DRC7: variants seen among roughly 807,000 people sequenced by gnomAD.
DRC7 encodes the protein coiled-coil domain containing 135.
In DRC7, 80 loss-of-function variants were observed where a neutral mutation model predicts 104.4. The ratio of observed to expected loss-of-function variants is 0.77; its 90% confidence interval spans 0.64 to 0.92. The LOEUF is 0.92. Ranked by LOEUF, DRC7 falls within the 40% of genes least tolerant of loss-of-function variation. The pLI is 0.00. For missense variants in DRC7, 1,034 were observed against 1,141.1 expected, an observed-to-expected ratio of 0.91 and a Z score of 1.35; for synonymous variants, 405 against 447.3, an observed-to-expected ratio of 0.91 and a Z score of 1.19.
At chr16:57,703,967 C>CAAAAA (rs35232247) in intron 6 of DRC7, among the ~76,000 whole-genome samples, 3 of 64,352 alleles carry the variant, frequency 4.7e-5, no homozygotes, top group African/African-American at 6.4e-5. Context: ...ACTCTGGCTC[C>CAAAAA]AAAAAAAAAA....
chr16:57,727,008 A>G, intron 15 of DRC7, 66 bp downstream of exon 15: 4 of 1,033,684 alleles, frequency 3.9e-6, no homozygotes, highest in South Asian at 2.7e-5. Context: ...GTCTCGCTCT[A>G]TAACCCAGGC....
At chr16:57,722,959 G>T (rs112896136) in intron 11 of DRC7, 43 bp from the exon 12 acceptor site, 17 of 1,613,342 alleles carry the variant, frequency 1.1e-5, no homozygotes, top group African/African-American at 8.0e-5. Context: ...TTGAAGGCTA[G>T]GGGAGCTGGC....
intron 10 of DRC7, among the ~76,000 whole-genome samples, chr16:57,722,491 A>G (rs2048914196): frequency 1.3e-5 from 2 of 152,048 alleles, no homozygotes; most frequent in Admixed American, 1.3e-4. Flanking sequence ...TGGGGCTCAA[A>G]TCCCATTCTT....
chr16:57,730,891 C>G, intron 17 of DRC7, 40 bp from the exon 18 acceptor site: 9 of 1,607,268 alleles, frequency 5.6e-6, no homozygotes, highest in Non-Finnish European at 7.6e-6. Flanking sequence ...TGAAGGTCAG[C>G]CTTGTCAGTC....
rs147252221 is a variant in DRC7, at chr16:57,731,421, A to T, written c.*163A>T. The T allele has an allele frequency of 7.6e-5, 46 of 605,078 alleles. No individual in the cohort carries two copies. Among genetic ancestry groups the T allele is most frequent in the African/African-American group, 7.0e-4 (38 of 53,914 alleles). The allele number at this position is 605,078 out of a possible 1,614,324, so 37.5% of individuals were successfully genotyped here. On this transcript the variant is annotated 3_prime_UTR_variant, in exon 19 of 19. Coordinates refer to ENST00000360716, the MANE Select transcript of DRC7 (RefSeq NM_001289162.2). ...GCCCTGTTTGTTCCTGCTTCTCATG[A>T]TTTTCCTGTAAATAAACACACTCTT...
At position 57,726,824 on chromosome 16, in the gene DRC7, T is replaced by C. The variant is rs768128992; in HGVS notation, c.1975-8T>C. On this transcript the variant is annotated splice_region_variant and splice_polypyrimidine_tract_variant and intron_variant, in intron 14 of 18. Transcript: ENST00000360716. ...CTCTCTGTGTTACTAAGGTGGTTGT[T>C]GTCCCAGGTGGAGCCCATGGAGCAC... 6 of 1,594,644 alleles carry C rather than the reference T, an allele frequency of 3.8e-6. No homozygotes were observed. The South Asian group carries it at 4.4e-5, about 12-fold the overall frequency.
intron 13 of DRC7, chr16:57,725,469 G>A (rs1299846116): frequency 1.3e-5 from 2 of 155,870 alleles, no homozygotes; most frequent in African/African-American, 4.8e-5. Context: ...GGCCAAGGAT[G>A]TGTTACTTCC....
chr16:57,726,268 G>A lies in DRC7; in HGVS notation c.1959G>A (p.Met653Ile). ...KGNKIIMTPD[M>I]CISFEVEPME... ...ACAAGATCATCATGACGCCCGACATGTGCATCAGCTTCGAGGTGGGCCTGG... is the reference window on the plus strand; with the variant it reads ...ACAAGATCATCATGACGCCCGACATATGCATCAGCTTCGAGGTGGGCCTGG... Residue 653 changes from methionine (M) to isoleucine (I), a missense_variant, in exon 14 of 19, where the codon ATG becomes ATA. Coordinates refer to ENST00000360716, the MANE Select transcript of DRC7 (RefSeq NM_001289162.2). 6 of 1,611,270 alleles carry A rather than the reference G, an allele frequency of 3.7e-6. No homozygotes were observed. Among genetic ancestry groups the A allele is most frequent in the Non-Finnish European group, 5.1e-6 (6 of 1,178,452 alleles).
At chr16:57,710,074 T>C (rs1032711523) in intron 8 of DRC7, among the ~76,000 whole-genome samples, 11 of 152,152 alleles carry the variant, frequency 7.2e-5, no homozygotes, top group African/African-American at 2.4e-4. Context: ...AAAAAGAAGA[T>C]TGTGGTTGAG....
Position 57,731,037 on chromosome 16 carries a change from T to C in DRC7, c.2498T>C (p.Phe833Ser). The C allele has an allele frequency of 1.2e-6, 2 of 1,613,692 alleles. No individual in the cohort carries two copies. Among genetic ancestry groups the C allele is most frequent in the Non-Finnish European group, 1.7e-6 (2 of 1,179,968 alleles). ...LYLSYCSQAM[F>S]RIRILEQRLN... Reference sequence around the variant, plus strand: ...CTGAGTTACTGCTCTCAGGCCATGTTCCGCATCCGCATCCTGGAGCAGCGC... The same window carrying C: ...CTGAGTTACTGCTCTCAGGCCATGTCCCGCATCCGCATCCTGGAGCAGCGC... Residue 833 changes from phenylalanine to serine, a missense_variant, in exon 18 of 19, where the codon TTC becomes TCC. Coordinates refer to ENST00000360716, the MANE Select transcript of DRC7 (RefSeq NM_001289162.2).
At position 57,726,922 on chromosome 16, in the gene DRC7, G is replaced by A. The variant is rs559243056; in HGVS notation, c.2065G>A (p.Val689Ile). 57 of 1,610,842 alleles carry A rather than the reference G, an allele frequency of 3.5e-5. 1 individual carries two copies. In the Middle Eastern group the frequency reaches 5.0e-4, roughly 14 times the overall value. ...KREEKLSRHQVWESELEVLEI... is the reference protein window; with the variant it reads ...KREEKLSRHQIWESELEVLEI... Reference sequence around the variant, plus strand: ...GGAGGAGAAGCTGTCCAGACATCAGGTCTGGGAGTCAGAGCTGGAGGTAGG... The same window carrying A: ...GGAGGAGAAGCTGTCCAGACATCAGATCTGGGAGTCAGAGCTGGAGGTAGG... The change falls in exon 15 of 19, where the codon GTC becomes ATC. Residue 689 changes from valine to isoleucine, a missense_variant. Transcript: ENST00000360716.
Position 57,720,679 on chromosome 16 carries a change from A to G in DRC7, c.1207-988A>G, listed in dbSNP as rs368529617. Among the ~76,000 whole-genome samples the G allele has an allele frequency of 3.9e-5, 6 of 152,200 alleles. No individual in the cohort carries two copies. The South Asian group carries it at 1.2e-3, about 31-fold the overall frequency. ...CGGGTGACAGCCCACCCACCTGACC[A>G]TCTTAGAGATTTTTGACAATACTAA... On this transcript the variant is annotated intron_variant, in intron 9 of 18. Coordinates refer to ENST00000360716, the MANE Select transcript of DRC7 (RefSeq NM_001289162.2).
intron 17 of DRC7, among the ~76,000 whole-genome samples, 190 bp from the exon 18 acceptor site, chr16:57,730,741 C>G (rs2049052074): frequency 6.6e-6 from 1 of 152,112 alleles, no homozygotes; most frequent in Non-Finnish European, 1.5e-5. Flanking sequence ...AAACATGACC[C>G]CACTGGCTCC....
rs148472152 is a variant in DRC7, at chr16:57,717,109, G to A, written c.1078-1238G>A. Among the ~76,000 whole-genome samples the A allele has an allele frequency of 7.5e-3, 1,128 of 150,816 alleles. 7 individuals carry two copies. The highest frequency in any genetic ancestry group is 0.012 in the Non-Finnish European group (820 of 67,804). Reference sequence around the variant, plus strand: ...GGAGATAGAGGTTGCAGTGAGCCGAGATCATACCACTGCACTCCAGCCTGG... The same window carrying A: ...GGAGATAGAGGTTGCAGTGAGCCGAAATCATACCACTGCACTCCAGCCTGG... On this transcript the variant is annotated intron_variant, in intron 8 of 18. Coordinates refer to ENST00000360716, the MANE Select transcript of DRC7 (RefSeq NM_001289162.2).
At chr16:57,724,905 G>A in intron 13 of DRC7, 70 bp downstream of exon 13, 1 of 1,276,984 alleles carries the variant, frequency 7.8e-7, no homozygotes, top group South Asian at 1.3e-5. Flanking sequence ...TCTGAATGGT[G>A]AGAGCCCTGG....
chr16:57,729,557 G>A (rs1183825695), intron 17 of DRC7, among the ~76,000 whole-genome samples: 1 of 122,902 alleles, frequency 8.1e-6, no homozygotes, highest in African/African-American at 3.3e-5. Flanking sequence ...TGGGTGGATG[G>A]ATGAGTGGGT....
chr16:57,729,795 T>C (rs1461387006), intron 17 of DRC7, among the ~76,000 whole-genome samples: 1 of 131,542 alleles, frequency 7.6e-6, no homozygotes, highest in Non-Finnish European at 1.6e-5. Context: ...GATGGGTGGA[T>C]GGATGGATGA....
At chr16:57,727,829 C>T (rs1264372961) in intron 16 of DRC7, among the ~76,000 whole-genome samples, 1 of 152,200 alleles carries the variant, frequency 6.6e-6, no homozygotes, top group African/African-American at 2.4e-5. Flanking sequence ...GTTTTCAGGG[C>T]CGGCTTCTGA....
chr16:57,721,450 G>A (rs1431483313), intron 9 of DRC7, among the ~76,000 whole-genome samples: 1 of 152,122 alleles, frequency 6.6e-6, no homozygotes, highest in Non-Finnish European at 1.5e-5. Context: ...AGGGGGTGCT[G>A]CTGTCCTAAG....
Sources: allele counts gnomAD v4.1 joint callset (sites outside exome capture counted in the v4.1 genomes callset), GRCh38; gene constraint gnomAD v4.1.1; transcripts MANE v1.5; gene names NCBI Gene and HGNC (gene_info 2026-07-23, HGNC 2026-07-21).